SMPD3: variants seen among roughly 807,000 people sequenced by gnomAD.
SMPD3 encodes the protein sphingomyelin phosphodiesterase 3.
SMPD3 carries 21 observed loss-of-function variants against 55.7 expected under a neutral mutation model. The observed-to-expected ratio is 0.38, with a 90% CI of 0.27 to 0.54. SMPD3 has a LOEUF of 0.54. Ranked by LOEUF, SMPD3 falls within the 20% of genes least tolerant of loss-of-function variation. The pLI is 0.80. For synonymous variants in SMPD3, 457 were observed against 404.3 expected, an observed-to-expected ratio of 1.13 and a Z score of -1.56; for missense variants, 842 against 899.6, an observed-to-expected ratio of 0.94 and a Z score of 0.82.
chr16:68,405,113 C>T (rs772094625), intron 1 of SMPD3, among the ~76,000 whole-genome samples: 6 of 152,176 alleles, frequency 3.9e-5, no homozygotes, highest in Non-Finnish European at 8.8e-5. Context: ...ATTCTACTAG[C>T]AGAGTTTTTT....
chr16:68,442,019 G>A (rs2090570375), intron 1 of SMPD3, among the ~76,000 whole-genome samples: 1 of 152,164 alleles, frequency 6.6e-6, no homozygotes, highest in Admixed American at 6.5e-5. Context: ...TCCTGCCTCA[G>A]CCTCCCAAAG....
intron 1 of SMPD3, among the ~76,000 whole-genome samples, chr16:68,396,981 C>G (rs1331819782): frequency 1.3e-5 from 2 of 152,176 alleles, no homozygotes; most frequent in African/African-American, 4.8e-5. Context: ...AGAGCATTCC[C>G]TGCACAACGT....
chr16:68,406,134 G>C (rs1457024887), intron 1 of SMPD3, among the ~76,000 whole-genome samples: 1 of 151,386 alleles, frequency 6.6e-6, no homozygotes, highest in Non-Finnish European at 1.5e-5. Context: ...GCTGTTTGAT[G>C]ATTCATTTTA....
At chr16:68,363,734 TG>T in intron 6 of SMPD3, 42 bp downstream of exon 6, 2 of 1,517,580 alleles carry the variant, frequency 1.3e-6, no homozygotes. Flanking sequence ...GGGAAGTCTG[TG>T]GGGAGCCCAG....
intron 2 of SMPD3, among the ~76,000 whole-genome samples, chr16:68,380,462 C>T (rs964952804): frequency 6.6e-6 from 1 of 152,268 alleles, no homozygotes; most frequent in Non-Finnish European, 1.5e-5. Flanking sequence ...TGCTCTGAGC[C>T]TGCCTGGGTG....
chr16:68,437,421 C>T (rs1024450117), intron 1 of SMPD3, among the ~76,000 whole-genome samples: 14 of 152,188 alleles, frequency 9.2e-5, no homozygotes, highest in Admixed American at 9.2e-4. Flanking sequence ...CCAGATGAGC[C>T]CTTAACATTT....
chr16:68,397,994 C>T (rs2090174223), intron 1 of SMPD3, among the ~76,000 whole-genome samples: 1 of 151,984 alleles, frequency 6.6e-6, no homozygotes, highest in Non-Finnish European at 1.5e-5. Context: ...AGGCAGCCTT[C>T]CAGAGGGAGA....
At chr16:68,412,572 C>T (rs2090310411) in intron 1 of SMPD3, among the ~76,000 whole-genome samples, 1 of 152,224 alleles carries the variant, frequency 6.6e-6, no homozygotes, top group African/African-American at 2.4e-5. Flanking sequence ...AGCCTACCTG[C>T]TTCATTTAAC....
At chr16:68,414,731 A>G (rs1196771995) in intron 1 of SMPD3, among the ~76,000 whole-genome samples, 3 of 152,236 alleles carry the variant, frequency 2.0e-5, no homozygotes, top group Non-Finnish European at 4.4e-5. Context: ...TCCTGCAGAC[A>G]TCAGATTGAG....
intron 1 of SMPD3, among the ~76,000 whole-genome samples, chr16:68,438,864 A>G (rs1309788067): frequency 6.6e-6 from 1 of 152,238 alleles, no homozygotes; most frequent in African/African-American, 2.4e-5. Flanking sequence ...TCAGTGGTTA[A>G]GAACAGGCTC....
chr16:68,371,457 G>T lies in SMPD3; in HGVS notation c.725C>A (p.Ala242Asp), dbSNP rs146984839. 1.8e-4 allele frequency: 289 copies of T among 1,593,362 alleles called. No individual in the cohort carries two copies. Among genetic ancestry groups the T allele is most frequent in the Non-Finnish European group, 2.2e-4 (257 of 1,177,750 alleles). The part of the protein sequence containing the change: ...DPVDSSSPED[A>D]CIVRIGGEEG... ...CTCGCCACCGATGCGCACGATGCAG[G>T]CATCCTCCGGGCTGCTGCTGTCGAC... Residue 242 changes from alanine (A) to aspartate (D), a missense_variant, in exon 3 of 9, where the codon GCC becomes GAC. Physicochemically the swap from Ala to Asp is moderately radical, Grantham distance 126. This residue lies in a region of SMPD3 where 649 missense variants were observed against 643.6 expected (regional missense o/e 1.01). Coordinates refer to ENST00000219334, the MANE Select transcript of SMPD3 (RefSeq NM_018667.4).
Position 68,372,072 on chromosome 16 carries a change from G to C in SMPD3, c.110C>G (p.Ser37Cys). The C allele has an allele frequency of 3.1e-6, 5 of 1,606,908 alleles. No individual in the cohort carries two copies. The highest frequency in any genetic ancestry group is 4.2e-6 in the Non-Finnish European group (5 of 1,177,546). Residue 37 changes from serine to cysteine, a missense_variant, in exon 3 of 9, where the codon TCC (serine) becomes TGC (cysteine). Ser to Cys is a moderately radical substitution (Grantham distance 112, BLOSUM62 -1). Transcript: ENST00000219334. ...CTTCTCGTAGGTGGTGGGTATGAAGGAGGCAGCGAGCCGGTCCACCAGCCA... is the reference window on the plus strand; with the variant it reads ...CTTCTCGTAGGTGGTGGGTATGAAGCAGGCAGCGAGCCGGTCCACCAGCCA... ...CYWLVDRLAA[S>C]FIPTTYEKRQ... is the part of the protein sequence containing the mutation.
intron 1 of SMPD3, among the ~76,000 whole-genome samples, chr16:68,427,753 G>T (rs995641180): frequency 2.8e-5 from 2 of 70,276 alleles, no homozygotes; most frequent in East Asian, 2.7e-3. Context: ...AAAAATGACT[G>T]GGGGGGGGTG....
In SMPD3 at chr16:68,361,098, C is replaced by T. The variant is rs574857740; in HGVS notation, c.*108G>A. 244 of 1,016,206 alleles carry T rather than the reference C, an allele frequency of 2.4e-4. 1 individual carries two copies. In the East Asian group the frequency reaches 6.1e-3, roughly 26 times the overall value. The allele number at this position is 1,016,206 out of a possible 1,614,324, so 62.9% of individuals were successfully genotyped here. ...CCGGGCACTGACTGTGGCTCCCTCC[C>T]TGTCCCTGCCCTCCTCCCCCAAGCA... On this transcript the variant is annotated 3_prime_UTR_variant, in exon 9 of 9. Coordinates refer to ENST00000219334, the MANE Select transcript of SMPD3 (RefSeq NM_018667.4).
chr16:68,385,700 AG>A (rs1222665191), intron 2 of SMPD3, among the ~76,000 whole-genome samples: 1 of 152,132 alleles, frequency 6.6e-6, no homozygotes, highest in Admixed American at 6.5e-5. Flanking sequence ...TCCTAGTCTG[AG>A]GTTCCTGACT....
intron 1 of SMPD3, among the ~76,000 whole-genome samples, chr16:68,424,514 C>T (rs1402255318): frequency 6.6e-6 from 1 of 152,092 alleles, no homozygotes; most frequent in Non-Finnish European, 1.5e-5. Flanking sequence ...AGTAATTTTA[C>T]TTATGAACCC....
chr16:68,421,202 G>A (rs2090390475), intron 1 of SMPD3, among the ~76,000 whole-genome samples: 2 of 152,270 alleles, frequency 1.3e-5, no homozygotes, highest in South Asian at 2.1e-4. Context: ...AGTCAGGCCC[G>A]TCCCTGCAAC....
intron 5 of SMPD3, 83 bp downstream of exon 5, chr16:68,364,668 G>A: frequency 3.4e-6 from 5 of 1,455,476 alleles, no homozygotes; most frequent in Non-Finnish European, 4.7e-6. Flanking sequence ...TCTTTGAGCT[G>A]CCTAACGAAG....
chr16:68,427,567 G>GA (rs1368645349), intron 1 of SMPD3, among the ~76,000 whole-genome samples: 5 of 152,230 alleles, frequency 3.3e-5, no homozygotes, highest in African/African-American at 1.2e-4. Context: ...GGGTGACTGA[G>GA]AAACTGAATT....
Sources: gnomAD v4.1 joint callset for allele counts (sites outside exome capture counted in the v4.1 genomes callset) on GRCh38, gnomAD v4.1.1 for gene constraint, gnomAD v4.1.1 regional missense constraint, MANE v1.5 for transcripts, NCBI Gene and HGNC (gene_info 2026-07-23, HGNC 2026-07-21) for gene names.